PPP1CC: variants seen among roughly 807,000 people sequenced by gnomAD.
The protein encoded by PPP1CC is protein phosphatase 1 catalytic subunit gamma, also known as serine/threonine-protein phosphatase PP1-gamma catalytic subunit.
Under a neutral mutation model 38.4 loss-of-function variants are expected in PPP1CC, and 16 were observed. That is an observed-to-expected ratio of 0.42 (90% CI 0.28 to 0.63). The LOEUF (loss-of-function observed/expected upper bound fraction) is 0.63. PPP1CC is among the 30% of genes least tolerant of loss of function. The pLI is 0.25. For missense variants in PPP1CC, 170 were observed against 391.3 expected (o/e 0.43, Z 4.77); for synonymous variants, 158 against 136.0 (o/e 1.16, Z -1.13).
intron 1 of PPP1CC, among the ~76,000 whole-genome samples, chr12:110,737,783 GAA>G (rs980152288): frequency 6.6e-6 from 1 of 151,616 alleles, no homozygotes; most frequent in African/African-American, 2.4e-5. Flanking sequence ...AAGAAAAAAA[GAA>G]AAAGAAAAAA....
At chr12:110,709,859 T>C in the PPP1CC span, among the ~76,000 whole-genome samples, 1 of 151,028 alleles carries the variant, frequency 6.6e-6, no homozygotes, top group Non-Finnish European at 1.5e-5. Context: ...ATTTTAAAAG[T>C]TTTAAAAAGA....
chr12:110,710,189 A>G, the PPP1CC span, among the ~76,000 whole-genome samples: 1 of 151,910 alleles, frequency 6.6e-6, no homozygotes, highest in Admixed American at 6.6e-5. Context: ...GGTCTAATAC[A>G]CCTCATTATA....
rs761137100 is a variant in PPP1CC at position 110,722,298 on chromosome 12, T to C, written c.748-29A>G. 1.1e-5 allele frequency: 17 copies of C among 1,610,240 alleles called. No homozygotes were observed. The highest frequency in any genetic ancestry group is 5.4e-5 in the African/African-American group (4 of 74,676). ...GAAGAGAAAATTTTTTCAATATAAA[T>C]AGGTGCAAATATTAGGTGAGTAAAA... On this transcript the variant is annotated intron_variant, in intron 5 of 6. Coordinates refer to ENST00000335007, the MANE Select transcript of PPP1CC (RefSeq NM_002710.4). This position sits in a 1 kb window ranked among gnomAD's most constrained non-coding sequence, Gnocchi z 5.4.
At chr12:110,732,200 T>G (rs1322410360) in intron 1 of PPP1CC, 6 of 465,666 alleles carry the variant, frequency 1.3e-5, no homozygotes, top group Middle Eastern at 5.5e-4. Flanking sequence ...CTCACGCTTG[T>G]AATCCCAGCA....
chr12:110,742,177 C>A (rs923678770), intron 1 of PPP1CC, among the ~76,000 whole-genome samples: 4 of 152,044 alleles, frequency 2.6e-5, no homozygotes, highest in Non-Finnish European at 4.4e-5. Context: ...AAAATAAAAG[C>A]AAGCAGGAAA....
chr12:110,710,641 C>T, the PPP1CC span, among the ~76,000 whole-genome samples: 10 of 146,034 alleles, frequency 6.8e-5, no homozygotes, highest in Admixed American at 2.1e-4. Flanking sequence ...TGGCATGAAC[C>T]CAGGGGGCAG....
the PPP1CC span, among the ~76,000 whole-genome samples, chr12:110,712,512 T>C: frequency 1.3e-5 from 2 of 150,166 alleles, no homozygotes; most frequent in Admixed American, 6.6e-5. Flanking sequence ...TGGTGGTGGG[T>C]GCCTGTAATT....
intron 4 of PPP1CC, among the ~76,000 whole-genome samples, chr12:110,723,865 C>G (rs558030432): frequency 1.2e-4 from 19 of 152,082 alleles, no homozygotes; most frequent in African/African-American, 4.1e-4. Context: ...AAAAAACAAT[C>G]AAGGGAAAAT....
At chr12:110,726,017 G>GTGC (rs2136545187) in intron 3 of PPP1CC, 1 of 152,682 alleles carries the variant, frequency 6.5e-6, no homozygotes, top group Admixed American at 6.5e-5. Flanking sequence ...AGCCTTGATT[G>GTGC]TGCCATTGCA....
the PPP1CC span, among the ~76,000 whole-genome samples, chr12:110,709,582 G>T: frequency 7.1e-6 from 1 of 141,780 alleles, no homozygotes; most frequent in Non-Finnish European, 1.5e-5. Flanking sequence ...TTTTTGAGAC[G>T]GAGTCTCACT....
intron 3 of PPP1CC, among the ~76,000 whole-genome samples, chr12:110,728,348 G>C (rs980727004): frequency 6.7e-6 from 1 of 149,054 alleles, no homozygotes; most frequent in South Asian, 2.1e-4. Context: ...GCAGTGAGGC[G>C]AGATCGCGCC....
chr12:110,736,499 C>G (rs2069946210), intron 1 of PPP1CC, among the ~76,000 whole-genome samples: 1 of 152,110 alleles, frequency 6.6e-6, no homozygotes, highest in African/African-American at 2.4e-5. Context: ...CAAAATATAG[C>G]TGGACATGGT....
the PPP1CC span, among the ~76,000 whole-genome samples, chr12:110,709,793 C>G: frequency 1.3e-5 from 2 of 151,606 alleles, no homozygotes; most frequent in East Asian, 3.9e-4. Context: ...GTGATCCACC[C>G]GACTCAGCCT....
At chr12:110,732,529 T>A (rs1448809407) in intron 1 of PPP1CC, 1 of 152,334 alleles carries the variant, frequency 6.6e-6, no homozygotes, top group African/African-American at 2.4e-5. Flanking sequence ...AATTTACCTA[T>A]GAAAAAATGT....
At position 110,720,376 on chromosome 12, in the gene PPP1CC, C is replaced by T; in HGVS notation, c.*700G>A. The T allele has an allele frequency of 1.9e-6, 1 of 528,544 alleles. No individual in the cohort carries two copies. Among genetic ancestry groups the T allele is most frequent in the Non-Finnish European group, 3.3e-6 (1 of 301,662 alleles). 32.7% of individuals were successfully genotyped at this position (528,544 alleles called of 1,614,324 possible). A position where few individuals can be genotyped will look rare whatever the true frequency, so the allele number is the denominator to read the frequency against. On this transcript the variant is annotated 3_prime_UTR_variant, in exon 7 of 7. Transcript: ENST00000335007. ...GTGTATACAACCATACCACCTTGTACTTAGGGGTGTGTCAAAACATAATTC... is the reference window on the plus strand; with the variant it reads ...GTGTATACAACCATACCACCTTGTATTTAGGGGTGTGTCAAAACATAATTC...
At chr12:110,713,289 C>T in the PPP1CC span, among the ~76,000 whole-genome samples, 2 of 151,924 alleles carry the variant, frequency 1.3e-5, no homozygotes, top group Admixed American at 6.6e-5. Context: ...CACGCTGCCA[C>T]GCCCGGCTAA....
chr12:110,738,345 A>G (rs185475267), intron 1 of PPP1CC, among the ~76,000 whole-genome samples: 117 of 152,324 alleles, frequency 7.7e-4, no homozygotes, highest in Middle Eastern at 3.4e-3. Flanking sequence ...TTGGTCTTGA[A>G]TGACTTTCCA....
At chr12:110,709,793 C>T in the PPP1CC span, among the ~76,000 whole-genome samples, 1 of 151,606 alleles carries the variant, frequency 6.6e-6, no homozygotes, top group East Asian at 1.9e-4. Context: ...GTGATCCACC[C>T]GACTCAGCCT....
At chr12:110,736,334 G>A (rs1334185070) in intron 1 of PPP1CC, among the ~76,000 whole-genome samples, 1 of 152,092 alleles carries the variant, frequency 6.6e-6, no homozygotes, top group Non-Finnish European at 1.5e-5. Context: ...AAACAAACTG[G>A]TAAAAATTTG....
Sources: allele counts gnomAD v4.1 joint callset (sites outside exome capture counted in the v4.1 genomes callset), GRCh38; gene constraint gnomAD v4.1.1; non-coding constraint Gnocchi (gnomAD v3.1); transcripts MANE v1.5; gene names NCBI Gene and HGNC (gene_info 2026-07-23, HGNC 2026-07-21).